Variants in ERCC8 observed in about 807,000 individuals in gnomAD.
ERCC8 encodes ERCC excision repair 8, CSA ubiquitin ligase complex subunit.
A neutral mutation model predicts 54.9 loss-of-function variants in ERCC8; 52 were observed. The ratio of observed to expected loss-of-function variants is 0.95; its 90% confidence interval spans 0.76 to 1.19. The LOEUF (loss-of-function observed/expected upper bound fraction) is 1.19. Ranked by LOEUF, ERCC8 falls within the 50% of genes most tolerant of loss-of-function variation. The pLI, the probability that ERCC8 is intolerant of heterozygous loss-of-function variation, is 0.00. For synonymous variants in ERCC8, 146 were observed against 157.2 expected (o/e 0.93, Z 0.53); for missense variants, 514 against 466.1 (o/e 1.10, Z -0.95).
At chr5:60,880,828 G>C (rs994694804) in intron 11 of ERCC8, among the ~76,000 whole-genome samples, 1 of 152,078 alleles carries the variant, frequency 6.6e-6, no homozygotes, top group Non-Finnish European at 1.5e-5. Flanking sequence ...CTTTAGCCCG[G>C]AGTAGTTTGA....
intron 1 of ERCC8, among the ~76,000 whole-genome samples, 161 bp downstream of exon 1, chr5:60,944,771 T>A (rs924810356): frequency 8.6e-6 from 1 of 115,674 alleles, no homozygotes; most frequent in African/African-American, 3.3e-5. Flanking sequence ...TTGTTACCAG[T>A]AAATAAAAGG....
chr5:60,886,062 A>G (rs1490340689), intron 11 of ERCC8, among the ~76,000 whole-genome samples: 2 of 148,452 alleles, frequency 1.3e-5, no homozygotes, highest in South Asian at 2.1e-4. Flanking sequence ...ATGTATATAT[A>G]TATGTATATA....
chr5:60,944,982 TTGGC>T lies in ERCC8; in HGVS notation c.23_26del (p.Arg8GlnfsTer24), dbSNP rs1750393942. On this transcript the variant is annotated frameshift_variant, in exon 1 of 12. Transcript: ENST00000676185. LOFTEE classifies it high-confidence loss of function. ...GGCGAAGAGGGTCCTCCAAACCCGT[TTGGC>T]GTGCGGACAAAAACCCCAGCATATC... 1.2e-6 allele frequency: 2 copies of T among 1,613,970 alleles called. No homozygotes were observed. The highest frequency in any genetic ancestry group is 2.7e-5 in the African/African-American group (2 of 74,908).
intron 9 of ERCC8, chr5:60,893,554 AT>A (rs1748631625): frequency 1.4e-6 from 1 of 698,540 alleles, no homozygotes; most frequent in African/African-American, 1.8e-5. Flanking sequence ...CTGGCTTTTC[AT>A]TTTTGTTTCT....
At chr5:60,938,025 A>G (rs1431103595) in intron 1 of ERCC8, among the ~76,000 whole-genome samples, 4 of 70,752 alleles carry the variant, frequency 5.7e-5, no homozygotes, top group African/African-American at 1.4e-4. Flanking sequence ...GTGTGTGTGT[A>G]TACATACATA....
At chr5:60,919,217 G>A (rs927940084) in intron 3 of ERCC8, among the ~76,000 whole-genome samples, 6 of 152,052 alleles carry the variant, frequency 3.9e-5, no homozygotes, top group African/African-American at 7.2e-5. Context: ...ATGAATAAAC[G>A]ATAGGTTGTT....
intron 11 of ERCC8, among the ~76,000 whole-genome samples, chr5:60,880,226 A>G (rs991504226): frequency 6.6e-6 from 1 of 152,198 alleles, no homozygotes; most frequent in Non-Finnish European, 1.5e-5. Context: ...AGTTTCTGCC[A>G]AGAGATCTGC....
rs1268631837 is a variant in ERCC8, at chr5:60,899,610, A to G, written c.718+17T>C. ...AAATACTATCATTGTCATATTTATT[A>G]ATGCGTTCTTCCTTACCTGATTCAA... On this transcript the variant is annotated intron_variant, in intron 8 of 11. Transcript: ENST00000676185. 2 of 1,535,982 alleles carry G rather than the reference A, an allele frequency of 1.3e-6. No individual in the cohort carries two copies. The highest frequency in any genetic ancestry group is 1.7e-5 in the Admixed American group (1 of 59,890).
intron 11 of ERCC8, among the ~76,000 whole-genome samples, chr5:60,876,983 A>G (rs1159474759): frequency 6.6e-6 from 1 of 152,130 alleles, no homozygotes; most frequent in Non-Finnish European, 1.5e-5. Flanking sequence ...GGTAATGCCT[A>G]GGTTTTCTTC....
At chr5:60,901,418 T>C (rs906085698) in intron 7 of ERCC8, among the ~76,000 whole-genome samples, 2 of 152,042 alleles carry the variant, frequency 1.3e-5, no homozygotes, top group African/African-American at 4.8e-5. Flanking sequence ...AAGTGCCCAG[T>C]AATCCTATGG....
At chr5:60,894,891 G>A (rs755876778) in intron 9 of ERCC8, among the ~76,000 whole-genome samples, 3 of 151,784 alleles carry the variant, frequency 2.0e-5, no homozygotes, top group Admixed American at 6.6e-5. Flanking sequence ...GTGATTTGTC[G>A]GCTGGGCGTG....
chr5:60,882,512 A>G (rs1748266731), intron 11 of ERCC8, among the ~76,000 whole-genome samples: 1 of 152,072 alleles, frequency 6.6e-6, no homozygotes, highest in African/African-American at 2.4e-5. Context: ...CTTCTGCCTC[A>G]GCTTCCTAAG....
chr5:60,908,619 T>G (rs2112501036), intron 4 of ERCC8, among the ~76,000 whole-genome samples: 1 of 149,708 alleles, frequency 6.7e-6, no homozygotes, highest in Admixed American at 6.7e-5. Flanking sequence ...CAAGATACAA[T>G]TCACATTATC....
chr5:60,874,720 G>T, intron 11 of ERCC8, 37 bp from the exon 12 acceptor site: 2 of 1,539,444 alleles, frequency 1.3e-6, no homozygotes, highest in Non-Finnish European at 1.8e-6. Context: ...GGAAGATTCT[G>T]TTTTTTCTAC....
At position 60,874,650 on chromosome 5, in the gene ERCC8, C is replaced by T. The variant is rs1039371028; in HGVS notation, c.1156G>A (p.Glu386Lys). Residue 386 changes from glutamate to lysine, a missense_variant, in exon 12 of 12, where the codon GAA (glutamate) becomes AAA (lysine). Glu to Lys is a moderately conservative substitution (Grantham distance 56, BLOSUM62 1). Coordinates refer to ENST00000676185, the MANE Select transcript of ERCC8 (RefSeq NM_000082.4). ...TCATCACTGCTGCTCCAGGCATCTT[C>T]AAAGGCCGGATTTAATTGTGATTTT... ...TTKSQLNPAF[E>K]DAWSSSDEEG The T allele has an allele frequency of 3.7e-6, 6 of 1,610,902 alleles. No individual in the cohort carries two copies. Among genetic ancestry groups the T allele is most frequent in the African/African-American group, 2.7e-5 (2 of 74,282 alleles).
chr5:60,893,601 G>C, intron 9 of ERCC8: 1 of 628,468 alleles, frequency 1.6e-6, no homozygotes, highest in Admixed American at 2.6e-5. Flanking sequence ...AAAGCAGATA[G>C]GTTCGAATCC....
intron 11 of ERCC8, among the ~76,000 whole-genome samples, chr5:60,875,207 A>T (rs1350547806): frequency 6.6e-6 from 1 of 152,262 alleles, no homozygotes; most frequent in African/African-American, 2.4e-5. Context: ...TCCAAAAATA[A>T]TGTGGGTTAT....
intron 2 of ERCC8, 115 bp from the exon 3 acceptor site, chr5:60,922,270 C>T (rs1749623262): frequency 4.7e-6 from 3 of 637,898 alleles, no homozygotes; most frequent in Middle Eastern, 4.3e-4. Flanking sequence ...ATTAAGGATA[C>T]ATTAATTTAT....
chr5:60,928,173 G>A (rs1418864355), intron 2 of ERCC8, among the ~76,000 whole-genome samples: 1 of 152,186 alleles, frequency 6.6e-6, no homozygotes. Context: ...ATGACGAATT[G>A]TAAGTAGGAG....
Sources: allele counts gnomAD v4.1 joint callset (sites outside exome capture counted in the v4.1 genomes callset), GRCh38; gene constraint gnomAD v4.1.1; transcripts MANE v1.5; gene names NCBI Gene and HGNC (gene_info 2026-07-23, HGNC 2026-07-21).